SLC16A2: variants seen among roughly 807,000 people sequenced by gnomAD.
SLC16A2 encodes the protein monocarboxylate transporter 8.
Under a neutral mutation model 27.2 loss-of-function variants are expected in SLC16A2, and 3 were observed. The observed-to-expected ratio is 0.11, with a 90% CI of 0.05 to 0.28. SLC16A2 has a LOEUF of 0.28. SLC16A2 is among the 10% of genes least tolerant of loss of function. The probability of loss-of-function intolerance (pLI) is 1.00; values close to 1 mark genes in which losing one functional copy is unlikely to be tolerated. For missense variants in SLC16A2, 295 were observed against 458.5 expected, an observed-to-expected ratio of 0.64 and a Z score of 3.26; for synonymous variants, 202 against 187.8, an observed-to-expected ratio of 1.08 and a Z score of -0.62.
chrX:74,512,955 G>A (rs1030725514), intron 1 of SLC16A2, among the ~76,000 whole-genome samples: 4 of 111,215 alleles, frequency 3.6e-5, no homozygotes, highest in African/African-American at 1.3e-4. Flanking sequence ...CAGGCCTTTT[G>A]GGGCCAAGTC....
At chrX:74,481,198 T>C (rs1341770987) in intron 1 of SLC16A2, among the ~76,000 whole-genome samples, 2 of 112,431 alleles carry the variant, frequency 1.8e-5, no homozygotes, top group African/African-American at 6.5e-5. Flanking sequence ...TAGTATTCTT[T>C]TCTTGTGATA....
chrX:74,444,981 G>A (rs755467218), intron 1 of SLC16A2, among the ~76,000 whole-genome samples: 12 of 112,068 alleles, frequency 1.1e-4, no homozygotes. Context: ...TTTCTGCACA[G>A]AAAGACCTTG....
intron 1 of SLC16A2, among the ~76,000 whole-genome samples, chrX:74,426,493 T>C (rs1366358713): frequency 9.0e-6 from 1 of 111,705 alleles, no homozygotes; most frequent in Non-Finnish European, 1.9e-5. Flanking sequence ...AAATGCTCAT[T>C]CTAAGTCTAA....
rs1039815867 is a variant in SLC16A2, at chrX:74,532,106, G to T, written c.*553G>T. The T allele has an allele frequency of 7.9e-6, 1 of 127,340 alleles. No homozygotes were observed. Among genetic ancestry groups the T allele is most frequent in the African/African-American group, 3.2e-5 (1 of 31,179 alleles). The allele number at this position is 127,340 out of a possible 1,213,427, so 10.5% of individuals were successfully genotyped here. A position where few individuals can be genotyped will look rare whatever the true frequency, so the allele number is the denominator to read the frequency against. The stretch of plus-strand genomic sequence containing the variant: ...GTACAAGCAGTGCCCTTATTGTATG[G>T]TTGGTTAACAGTCTGCTCCCCTCTT... On this transcript the variant is annotated 3_prime_UTR_variant, in exon 6 of 6. Transcript: ENST00000587091.
chrX:74,473,330 C>T, intron 1 of SLC16A2: 2 of 548,347 alleles, frequency 3.6e-6, no homozygotes, highest in Non-Finnish European at 6.5e-6. Flanking sequence ...CCACCACCTC[C>T]ATGACCATGA....
chrX:74,441,950 C>A (rs750637991), intron 1 of SLC16A2, among the ~76,000 whole-genome samples: 1 of 110,637 alleles, frequency 9.0e-6, no homozygotes, highest in South Asian at 3.9e-4. Flanking sequence ...AATTTGCAGC[C>A]GGGTGCCATG....
At chrX:74,520,852 C>T in intron 1 of SLC16A2, 138 bp from the exon 2 acceptor site, 1 of 644,571 alleles carries the variant, frequency 1.6e-6, no homozygotes. Context: ...ACTCTCTGAA[C>T]ATCAGGGACT....
chrX:74,490,247 C>A (rs1333393924), intron 1 of SLC16A2, among the ~76,000 whole-genome samples: 2 of 110,486 alleles, frequency 1.8e-5, no homozygotes, highest in East Asian at 2.8e-4. Context: ...AATGACCATA[C>A]TATTTTCATT....
intron 1 of SLC16A2, among the ~76,000 whole-genome samples, chrX:74,487,815 T>C (rs982632634): frequency 8.9e-6 from 1 of 111,878 alleles, no homozygotes; most frequent in Non-Finnish European, 1.9e-5. Context: ...GGTTTTTTTT[T>C]CCATTTAGTT....
In SLC16A2 at chrX:74,531,433, G is replaced by C. The variant is rs746802653; in HGVS notation, c.1500G>C (p.Met500Ile). ...TAATCCTCTTCTTCGTCCCTCTGATGCATCAAAGGATGTTCAAGAAAGAGC... is the reference window on the plus strand; with the variant it reads ...TAATCCTCTTCTTCGTCCCTCTGATCCATCAAAGGATGTTCAAGAAAGAGC... ...GAVILFFVPL[M>I]HQRMFKKEQR... Residue 500 changes from methionine to isoleucine, a missense_variant, in exon 6 of 6, where the codon ATG (methionine) becomes ATC (isoleucine). This residue lies in a region of SLC16A2 where 144 missense variants were observed against 219.8 expected (regional missense o/e 0.66). Coordinates refer to ENST00000587091, the MANE Select transcript of SLC16A2 (RefSeq NM_006517.5). 6.6e-6 allele frequency: 8 copies of C among 1,210,770 alleles called. No individual in the cohort carries two copies. The Admixed American group carries it at 1.7e-4, about 26-fold the overall frequency.
chrX:74,444,802 C>T (rs988624271), intron 1 of SLC16A2, among the ~76,000 whole-genome samples: 2 of 111,820 alleles, frequency 1.8e-5, no homozygotes, highest in Admixed American at 9.5e-5. Flanking sequence ...CTTCCATATA[C>T]ACAATAATGC....
chrX:74,463,557 C>T (rs1269774132), intron 1 of SLC16A2, among the ~76,000 whole-genome samples: 7 of 109,891 alleles, frequency 6.4e-5, no homozygotes, highest in African/African-American at 2.3e-4. Flanking sequence ...GATGGAGTCT[C>T]ACTTTGTCAC....
At chrX:74,425,834 G>A (rs184756590) in intron 1 of SLC16A2, among the ~76,000 whole-genome samples, 2 of 111,884 alleles carry the variant, frequency 1.8e-5, no homozygotes, top group African/African-American at 3.3e-5. Context: ...AATATGGAAG[G>A]CATTTTTGTT....
chrX:74,473,762 T>C lies in SLC16A2; in HGVS notation c.431-47228T>C, dbSNP rs959520450. The C allele has an allele frequency of 4.5e-5, 33 of 738,480 alleles. No individual in the cohort carries two copies. The African/African-American group carries it at 4.8e-4, about 11-fold the overall frequency. 60.9% of individuals were successfully genotyped at this position (738,480 alleles called of 1,213,427 possible). On this transcript the variant is annotated intron_variant, in intron 1 of 5. Transcript: ENST00000587091. The stretch of plus-strand genomic sequence containing the variant: ...TGCATCCATCTCCCCCACGGTGTCA[T>C]ATGTGACAAATCCAAAGCCCCTGGA...
In SLC16A2 at chrX:74,532,717, T is replaced by C. The variant is rs768206488; in HGVS notation, c.*1164T>C. 2.0e-4 allele frequency: 22 copies of C among 111,985 alleles called. No homozygotes were observed. The highest frequency in any genetic ancestry group is 4.1e-4 in the Non-Finnish European group (22 of 53,100). 9.2% of individuals were successfully genotyped at this position (111,985 alleles called of 1,213,427 possible). On this transcript the variant is annotated 3_prime_UTR_variant, in exon 6 of 6. Transcript: ENST00000587091. Reference sequence around the variant, plus strand: ...ATCCCAAAAAGGTACAGGCAGCAGTTGCACATAGGGTTGGAAAATTTCTTT... The same window carrying C: ...ATCCCAAAAAGGTACAGGCAGCAGTCGCACATAGGGTTGGAAAATTTCTTT...
At chrX:74,436,969 A>G (rs1928641458) in intron 1 of SLC16A2, among the ~76,000 whole-genome samples, 2 of 112,413 alleles carry the variant, frequency 1.8e-5, no homozygotes, top group Non-Finnish European at 3.8e-5. Context: ...ATGCTCATCC[A>G]TCTATTGGAT....
intron 1 of SLC16A2, among the ~76,000 whole-genome samples, chrX:74,469,060 A>G (rs976249420): frequency 5.4e-5 from 6 of 111,875 alleles, no homozygotes; most frequent in African/African-American, 1.6e-4. Flanking sequence ...GCTCCTATAT[A>G]TGAATAAGAA....
chrX:74,436,198 C>T (rs1049973392), intron 1 of SLC16A2, among the ~76,000 whole-genome samples: 3 of 107,320 alleles, frequency 2.8e-5, no homozygotes, highest in Non-Finnish European at 5.8e-5. Context: ...AGAGTGTGTA[C>T]GTGTGTGTGT....
chrX:74,426,808 A>C (rs1209050105), intron 1 of SLC16A2, among the ~76,000 whole-genome samples: 1 of 112,854 alleles, frequency 8.9e-6, no homozygotes, highest in Non-Finnish European at 1.9e-5. Context: ...CCTGAATGAC[A>C]GTGAGGATGG....
Sources: allele counts gnomAD v4.1 joint callset (sites outside exome capture counted in the v4.1 genomes callset), GRCh38; gene constraint gnomAD v4.1.1; regional missense constraint gnomAD v4.1.1; transcripts MANE v1.5; gene names NCBI Gene and HGNC (gene_info 2026-07-23, HGNC 2026-07-21).